ANAPC10: variants seen among roughly 807,000 people sequenced by gnomAD.
The protein encoded by ANAPC10 is anaphase-promoting complex subunit 10.
Under a neutral mutation model 22.0 loss-of-function variants are expected in ANAPC10, and 12 were observed. The ratio of observed to expected loss-of-function variants is 0.55; its 90% CI spans 0.35 to 0.88. The LOEUF is 0.88. Ranked by LOEUF, ANAPC10 falls within the 40% of genes least tolerant of loss-of-function variation. The pLI is 0.01. For synonymous variants in ANAPC10, 65 were observed against 69.5 expected (o/e 0.94, Z 0.32); for missense variants, 188 against 220.9 (o/e 0.85, Z 0.94).
At chr4:145,059,707 C>G (rs1742600142) in intron 4 of ANAPC10, among the ~76,000 whole-genome samples, 1 of 151,914 alleles carries the variant, frequency 6.6e-6, no homozygotes, top group South Asian at 2.1e-4. Flanking sequence ...AAATATTCTA[C>G]AATAATTTTT....
intron 4 of ANAPC10, among the ~76,000 whole-genome samples, chr4:145,010,328 T>C (rs1734094231): frequency 1.3e-5 from 2 of 151,676 alleles, no homozygotes; most frequent in Non-Finnish European, 2.9e-5. Flanking sequence ...ACTGGGTATA[T>C]ACCCAAAGGA....
chr4:145,020,024 C>T (rs778082902), intron 4 of ANAPC10, among the ~76,000 whole-genome samples: 3 of 152,200 alleles, frequency 2.0e-5, no homozygotes, highest in African/African-American at 7.2e-5. Context: ...GAATTGGTAC[C>T]GATCCTACTG....
chr4:145,038,842 A>G (rs1739038048), intron 4 of ANAPC10, among the ~76,000 whole-genome samples: 1 of 76,386 alleles, frequency 1.3e-5, no homozygotes. Context: ...AAAAAAAAAA[A>G]AAAAAAAGGC....
intron 4 of ANAPC10, among the ~76,000 whole-genome samples, chr4:145,052,870 A>G (rs945695667): frequency 1.3e-5 from 2 of 150,104 alleles, no homozygotes; most frequent in African/African-American, 4.9e-5. Flanking sequence ...CCTGGGCAAC[A>G]GAGCGAGACT....
rs1454048270 is a variant in ANAPC10 at position 145,020,607 on chromosome 4, A to C, written c.328-25004T>G. On this transcript the variant is annotated intron_variant, in intron 4 of 4. Coordinates refer to ENST00000507656, the MANE Select transcript of ANAPC10 (RefSeq NM_001256706.2). ...GCAATCAAACAAGCGAAAGAAATAA[A>C]GGACATCCAAATCAGTAAAGAGGAA... is the stretch of plus-strand genomic sequence containing the variant. Among the ~76,000 whole-genome samples, 6 of 152,196 alleles carry C rather than the reference A, an allele frequency of 3.9e-5. No individual in the cohort carries two copies. The East Asian group carries it at 9.6e-4, about 24-fold the overall frequency.
At chr4:145,012,108 C>A (rs1357945781) in intron 4 of ANAPC10, among the ~76,000 whole-genome samples, 1 of 151,436 alleles carries the variant, frequency 6.6e-6, no homozygotes, top group East Asian at 1.9e-4. Context: ...GAAAACATCA[C>A]CTAGAGCAGC....
chr4:145,075,045 G>A (rs1744999960), intron 3 of ANAPC10, among the ~76,000 whole-genome samples: 1 of 151,556 alleles, frequency 6.6e-6, no homozygotes, highest in Non-Finnish European at 1.5e-5. Context: ...ACTCCCTTCT[G>A]AGCACATCCT....
At chr4:145,073,032 A>G (rs1744704402) in intron 3 of ANAPC10, among the ~76,000 whole-genome samples, 1 of 152,092 alleles carries the variant, frequency 6.6e-6, no homozygotes, top group African/African-American at 2.4e-5. Context: ...AGCTGAGACT[A>G]CAGGTGTGTA....
At chr4:144,997,600 C>A (rs895178257) in intron 4 of ANAPC10, among the ~76,000 whole-genome samples, 3 of 152,162 alleles carry the variant, frequency 2.0e-5, no homozygotes, top group Non-Finnish European at 4.4e-5. Context: ...TGGAAAGGAA[C>A]AACCAGTACC....
chr4:145,034,539 ATATATG>A (rs1051531740), intron 4 of ANAPC10, among the ~76,000 whole-genome samples: 23 of 139,678 alleles, frequency 1.6e-4, no homozygotes, highest in African/African-American at 3.1e-4. Flanking sequence ...ATATATATAT[ATATATG>A]TGTGTGTGTG....
intron 2 of ANAPC10, among the ~76,000 whole-genome samples, chr4:145,084,128 A>T (rs913639400): frequency 1.4e-4 from 22 of 152,316 alleles, no homozygotes; most frequent in Admixed American, 9.2e-4. Flanking sequence ...GTGCCACCAC[A>T]TTCAGTCACT....
intron 4 of ANAPC10, among the ~76,000 whole-genome samples, chr4:145,002,449 T>C (rs1272575006): frequency 6.7e-6 from 1 of 148,682 alleles, no homozygotes; most frequent in East Asian, 2.1e-4. Flanking sequence ...GTCAAATCAT[T>C]CATTTTAGAC....
At chr4:145,063,687 C>A (rs17781702) in intron 4 of ANAPC10, among the ~76,000 whole-genome samples, 42,330 of 151,982 alleles carry the variant, frequency 0.28, 7,410 homozygotes, top group Non-Finnish European at 0.38. Context: ...GAAAATACCT[C>A]TGAAATACTT....
At chr4:145,089,385 T>C (rs1040696168) in intron 2 of ANAPC10, among the ~76,000 whole-genome samples, 5 of 152,196 alleles carry the variant, frequency 3.3e-5, no homozygotes, top group African/African-American at 1.2e-4. Context: ...ATCCCTTCTT[T>C]GTATCAAATA....
At chr4:145,016,613 A>G (rs1229540861) in intron 4 of ANAPC10, among the ~76,000 whole-genome samples, 1 of 152,228 alleles carries the variant, frequency 6.6e-6, no homozygotes, top group Non-Finnish European at 1.5e-5. Flanking sequence ...AGAATTGGAA[A>G]AAACTACTTT....
chr4:145,039,729 G>C (rs759028026), intron 4 of ANAPC10, among the ~76,000 whole-genome samples: 5 of 152,026 alleles, frequency 3.3e-5, no homozygotes, highest in Non-Finnish European at 5.9e-5. Context: ...TGAGTAGCTA[G>C]GACTACAGGC....
At chr4:145,083,848 A>T (rs1219011081) in intron 2 of ANAPC10, among the ~76,000 whole-genome samples, 1 of 152,224 alleles carries the variant, frequency 6.6e-6, no homozygotes, top group Non-Finnish European at 1.5e-5. Context: ...CTCACCTGAT[A>T]GATTAAAAAA....
intron 2 of ANAPC10, among the ~76,000 whole-genome samples, chr4:145,089,358 A>C (rs1266923167): frequency 6.6e-6 from 1 of 152,230 alleles, no homozygotes; most frequent in African/African-American, 2.4e-5. Flanking sequence ...GATGTTCACA[A>C]AATACAGCCA....
chr4:145,023,437 A>G (rs1202776873), intron 4 of ANAPC10, among the ~76,000 whole-genome samples: 2 of 152,080 alleles, frequency 1.3e-5, no homozygotes, highest in African/African-American at 4.8e-5. Flanking sequence ...TATTTTACCT[A>G]TATAATCTGT....
Sources: allele counts gnomAD v4.1 joint callset (sites outside exome capture counted in the v4.1 genomes callset), GRCh38; gene constraint gnomAD v4.1.1; transcripts MANE v1.5; gene names NCBI Gene and HGNC (gene_info 2026-07-23, HGNC 2026-07-21).